TMLHE: variants seen among roughly 807,000 people sequenced by gnomAD.
TMLHE encodes the protein trimethyllysine dioxygenase, mitochondrial.
A neutral mutation model predicts 25.7 loss-of-function variants in TMLHE; 18 were observed. The ratio of observed to expected loss-of-function variants is 0.70; its 90% confidence interval spans 0.48 to 1.04. The LOEUF is 1.04. TMLHE is among the 50% of genes least tolerant of loss of function. The pLI is 0.00. For synonymous variants in TMLHE, 105 were observed against 97.0 expected, an observed-to-expected ratio of 1.08 and a Z score of -0.49; for missense variants, 236 against 259.0, an observed-to-expected ratio of 0.91 and a Z score of 0.61.
At chrX:155,601,571 A>G (rs2067756466) in intron 1 of TMLHE, among the ~76,000 whole-genome samples, 1 of 112,036 alleles carries the variant, frequency 8.9e-6, no homozygotes, top group South Asian at 3.7e-4. Context: ...TCAAAAAAGG[A>G]TTTAAATGGT....
chrX:155,560,978 G>A lies in TMLHE; in HGVS notation c.-1-15701C>T, dbSNP rs114801012. ...CTGTTAGTAGGCTATTACAGTACTGGATTTATTGAAGTAATCCAGGCAAGA... is the reference window on the plus strand; with the variant it reads ...CTGTTAGTAGGCTATTACAGTACTGAATTTATTGAAGTAATCCAGGCAAGA... On this transcript the variant is annotated intron_variant, in intron 1 of 7. Coordinates refer to ENST00000334398, the MANE Select transcript of TMLHE (RefSeq NM_018196.4). 4.9e-5 allele frequency among the ~76,000 whole-genome samples: 3 copies of A among 60,786 alleles called. 1 individual carries two copies. Among genetic ancestry groups the A allele is most frequent in the Non-Finnish European group, 1.4e-4 (3 of 21,909 alleles). 52.8% of individuals were successfully genotyped at this position (60,786 alleles called of 115,157 possible).
chrX:155,588,591 A>C (rs1557345558), intron 1 of TMLHE, among the ~76,000 whole-genome samples: 1 of 111,627 alleles, frequency 9.0e-6, no homozygotes, highest in Non-Finnish European at 1.9e-5. Flanking sequence ...TTCATCCAAC[A>C]AGGGACTAAT....
At chrX:155,529,852 ATGT>A (rs1281748804) in intron 2 of TMLHE, among the ~76,000 whole-genome samples, 4 of 111,423 alleles carry the variant, frequency 3.6e-5, no homozygotes, top group Non-Finnish European at 7.5e-5. Flanking sequence ...GGTTAGTTTG[ATGT>A]TGTCTCATTT....
intron 1 of TMLHE, among the ~76,000 whole-genome samples, chrX:155,594,382 T>TA (rs1327030645): frequency 5.4e-5 from 6 of 110,278 alleles, no homozygotes; most frequent in Non-Finnish European, 1.1e-4. Context: ...AAGCAATTTT[T>TA]AAAAAAAAGA....
intron 3 of TMLHE, among the ~76,000 whole-genome samples, chrX:155,515,667 C>T (rs1049758272): frequency 9.0e-6 from 1 of 111,447 alleles, no homozygotes; most frequent in African/African-American, 3.3e-5. Context: ...AATTTGGTAA[C>T]TAAAGTGGAA....
chrX:155,510,610 T>C (rs1297052388), intron 5 of TMLHE, among the ~76,000 whole-genome samples: 1 of 109,854 alleles, frequency 9.1e-6, no homozygotes. Flanking sequence ...TAGTATTCCA[T>C]GGTGTATATG....
chrX:155,532,254 G>A (rs2067253135), intron 2 of TMLHE, among the ~76,000 whole-genome samples: 1 of 111,914 alleles, frequency 8.9e-6, no homozygotes, highest in Non-Finnish European at 1.9e-5. Flanking sequence ...AAAAAAAGCA[G>A]GCATCAGAAA....
At position 155,568,410 on chromosome X, in the gene TMLHE, G is replaced by A. The variant is rs782121236; in HGVS notation, c.-1-23133C>T. 1.6e-4 allele frequency among the ~76,000 whole-genome samples: 10 copies of A among 61,750 alleles called. 3 individuals carry two copies. In the South Asian group the frequency reaches 8.8e-3, roughly 54 times the overall value. The allele number at this position is 61,750 out of a possible 115,157, so 53.6% of individuals were successfully genotyped here. On this transcript the variant is annotated intron_variant, in intron 1 of 7. Coordinates refer to ENST00000334398, the MANE Select transcript of TMLHE (RefSeq NM_018196.4). Reference sequence around the variant, plus strand: ...TGTAGGCTCCACCTCTGGGGGCAGGGCACAGACAAAAAGACAGCAGTAACC... The same window carrying A: ...TGTAGGCTCCACCTCTGGGGGCAGGACACAGACAAAAAGACAGCAGTAACC...
chrX:155,522,373 A>C (rs1451956826), intron 3 of TMLHE, among the ~76,000 whole-genome samples: 1 of 112,010 alleles, frequency 8.9e-6, no homozygotes, highest in Non-Finnish European at 1.9e-5. Flanking sequence ...AAACCAAGAA[A>C]GTGGTATTGG....
chrX:155,608,496 G>C (rs1169174081), intron 1 of TMLHE, among the ~76,000 whole-genome samples: 1 of 112,038 alleles, frequency 8.9e-6, no homozygotes, highest in East Asian at 2.8e-4. Context: ...CATGGGCCCT[G>C]TCAAATATTT....
intron 2 of TMLHE, among the ~76,000 whole-genome samples, chrX:155,541,704 T>C (rs1006925880): frequency 2.2e-4 from 24 of 111,581 alleles, no homozygotes; most frequent in Non-Finnish European, 1.9e-4. Flanking sequence ...CTCTCCAGCA[T>C]CTGTTGTTTC....
intron 1 of TMLHE, among the ~76,000 whole-genome samples, chrX:155,582,505 T>G (rs1209242341): frequency 8.9e-6 from 1 of 111,940 alleles, no homozygotes; most frequent in Admixed American, 9.5e-5. Flanking sequence ...CATCAAAAAT[T>G]GGGCAACAGA....
chrX:155,610,346 C>T (rs183908956), intron 1 of TMLHE, among the ~76,000 whole-genome samples: 276 of 112,113 alleles, frequency 2.5e-3, no homozygotes, highest in African/African-American at 8.7e-3. Flanking sequence ...GTAATGAAGA[C>T]TGACTGCAGA....
Position 155,547,763 on chromosome X carries a change from C to T in TMLHE, c.-1-2486G>A, listed in dbSNP as rs995496138. On this transcript the variant is annotated intron_variant, in intron 1 of 7. Coordinates refer to ENST00000334398, the MANE Select transcript of TMLHE (RefSeq NM_018196.4). ...TGTTGGAGGTGTTGGAAATAATCCA[C>T]ACAACCCTGAAATATATAAAATAAT... Among the ~76,000 whole-genome samples the T allele has an allele frequency of 2.1e-3, 233 of 108,991 alleles. 2 individuals carry two copies. The highest frequency in any genetic ancestry group is 7.5e-3 in the African/African-American group (225 of 30,055). 94.6% of individuals were successfully genotyped at this position (108,991 alleles called of 115,157 possible). A position where few individuals can be genotyped will look rare whatever the true frequency, so the allele number is the denominator to read the frequency against.
chrX:155,572,881 C>A (rs1489015397), intron 1 of TMLHE, among the ~76,000 whole-genome samples: 4 of 57,429 alleles, frequency 7.0e-5, no homozygotes, highest in African/African-American at 1.7e-4. Flanking sequence ...ACCATAAAAA[C>A]CCTATAAGAA....
chrX:155,593,726 C>T (rs2067705119), intron 1 of TMLHE, among the ~76,000 whole-genome samples: 1 of 109,615 alleles, frequency 9.1e-6, no homozygotes, highest in Admixed American at 9.7e-5. Flanking sequence ...AATAAGAAGG[C>T]TGACGAAGAA....
chrX:155,612,511 C>G (rs1246085731), intron 1 of TMLHE: 2 of 112,708 alleles, frequency 1.8e-5, no homozygotes, highest in Non-Finnish European at 3.8e-5. Flanking sequence ...TGCTCCAGCT[C>G]TTCCAGCTCT....
chrX:155,552,904 A>G (rs992577967), intron 1 of TMLHE, among the ~76,000 whole-genome samples: 2 of 108,417 alleles, frequency 1.8e-5, no homozygotes, highest in Admixed American at 1.9e-4. Flanking sequence ...AAATTTTAAG[A>G]TGCTATATTT....
chrX:155,550,961 A>G (rs782511223), intron 1 of TMLHE, among the ~76,000 whole-genome samples: 2 of 110,858 alleles, frequency 1.8e-5, no homozygotes, highest in African/African-American at 6.7e-5. Context: ...GGGACCAAAG[A>G]TATTTTTACT....
Sources: gnomAD v4.1 joint callset for allele counts (sites outside exome capture counted in the v4.1 genomes callset) on GRCh38, gnomAD v4.1.1 for gene constraint, MANE v1.5 for transcripts, NCBI Gene and HGNC (gene_info 2026-07-23, HGNC 2026-07-21) for gene names.